The following FGF14 variants were observed in gnomAD, a reference collection of about 807,000 sequenced individuals.
FGF14 encodes the protein fibroblast growth factor homologous factor 4.
Under a neutral mutation model 25.5 loss-of-function variants are expected in FGF14, and 5 were observed. That is an observed-to-expected ratio of 0.20 (90% confidence interval 0.10 to 0.41). The LOEUF is 0.41. Among genes scored for constraint, FGF14 ranks in the 10% least tolerant of loss-of-function variants. The pLI is 1.00. For missense variants in FGF14, 222 were observed against 320.1 expected, an observed-to-expected ratio of 0.69 and a Z score of 2.34; for synonymous variants, 138 against 118.3, an observed-to-expected ratio of 1.17 and a Z score of -1.08.
chr13:102,101,432 G>A (rs542408364), intron 1 of FGF14, among the ~76,000 whole-genome samples: 2 of 152,288 alleles, frequency 1.3e-5, no homozygotes, highest in African/African-American at 4.8e-5. Context: ...AGGTAAAGAT[G>A]AGCAAGCAGA....
intron 3 of FGF14, among the ~76,000 whole-genome samples, chr13:101,769,978 A>G (rs1259387276): frequency 6.6e-6 from 1 of 152,122 alleles, no homozygotes; most frequent in Non-Finnish European, 1.5e-5. Flanking sequence ...ATGATGCATC[A>G]TGTAGGTTCA....
chr13:101,823,875 T>C (rs1304262508), intron 3 of FGF14, among the ~76,000 whole-genome samples: 5 of 149,124 alleles, frequency 3.4e-5, no homozygotes, highest in Admixed American at 6.7e-5. Flanking sequence ...TTCAGAAATA[T>C]ATTAAAAATC....
intron 1 of FGF14, among the ~76,000 whole-genome samples, chr13:101,908,129 T>C (rs2032475939): frequency 6.6e-6 from 1 of 152,106 alleles, no homozygotes; most frequent in Non-Finnish European, 1.5e-5. Flanking sequence ...TCCAGTTAAG[T>C]GAAAATGGAT....
chr13:101,739,945 C>G (rs779876559), intron 3 of FGF14, among the ~76,000 whole-genome samples: 1 of 152,170 alleles, frequency 6.6e-6, no homozygotes, highest in Non-Finnish European at 1.5e-5. Context: ...AGTTAAAAAT[C>G]AACTTAGAAC....
chr13:102,271,922 C>T (rs1045806322), intron 1 of FGF14, among the ~76,000 whole-genome samples: 2 of 152,242 alleles, frequency 1.3e-5, no homozygotes, highest in African/African-American at 4.8e-5. Context: ...TCTTCCTTTG[C>T]CCCAACCCAA....
intron 1 of FGF14, among the ~76,000 whole-genome samples, chr13:102,396,336 A>G (rs902853742): frequency 1.3e-5 from 2 of 152,228 alleles, no homozygotes; most frequent in Non-Finnish European, 2.9e-5. Context: ...AGACTGTTCA[A>G]ACAGCCCAAC....
At chr13:101,854,228 T>C (rs1319996501) in intron 3 of FGF14, among the ~76,000 whole-genome samples, 2 of 152,138 alleles carry the variant, frequency 1.3e-5, no homozygotes, top group Non-Finnish European at 2.9e-5. Flanking sequence ...AGTATGTATA[T>C]GCATTTATGC....
intron 2 of FGF14, among the ~76,000 whole-genome samples, chr13:101,872,763 TG>T (rs553669577): frequency 5.9e-5 from 9 of 152,110 alleles, no homozygotes; most frequent in Non-Finnish European, 1.2e-4. Flanking sequence ...TCTTTGCAAA[TG>T]TTGAAATAGT....
chr13:102,210,434 C>T (rs982222632), intron 1 of FGF14, among the ~76,000 whole-genome samples: 2 of 151,924 alleles, frequency 1.3e-5, no homozygotes, highest in Non-Finnish European at 2.9e-5. Context: ...AAAATGGAAA[C>T]ATTTACATTA....
intron 1 of FGF14, among the ~76,000 whole-genome samples, chr13:101,934,228 G>C (rs1347831884): frequency 6.6e-6 from 1 of 152,190 alleles, no homozygotes; most frequent in Admixed American, 6.5e-5. Context: ...AATGTCATCT[G>C]TAGAATGCAA....
chr13:102,060,733 G>C (rs1024872273), intron 1 of FGF14, among the ~76,000 whole-genome samples: 1 of 152,172 alleles, frequency 6.6e-6, no homozygotes, highest in African/African-American at 2.4e-5. Flanking sequence ...GGGTAGATAA[G>C]GGCAGGGTCC....
chr13:101,740,128 C>T (rs191748583), intron 3 of FGF14, among the ~76,000 whole-genome samples: 15 of 152,312 alleles, frequency 9.8e-5, no homozygotes, highest in East Asian at 5.8e-4. Context: ...AGCCCTTCAA[C>T]GGGACAGAAA....
At chr13:101,913,233 G>A (rs149377529) in intron 1 of FGF14, among the ~76,000 whole-genome samples, 4 of 152,292 alleles carry the variant, frequency 2.6e-5, no homozygotes, top group South Asian at 2.1e-4. Context: ...ACTAATTTGC[G>A]GGGTGTGTGG....
At chr13:102,142,199 C>T (rs1178476177) in intron 1 of FGF14, among the ~76,000 whole-genome samples, 1 of 152,136 alleles carries the variant, frequency 6.6e-6, no homozygotes, top group Non-Finnish European at 1.5e-5. Context: ...GTGATTTTCT[C>T]CTAAATCATC....
At chr13:102,267,313 C>G (rs1828003667) in intron 1 of FGF14, among the ~76,000 whole-genome samples, 1 of 152,120 alleles carries the variant, frequency 6.6e-6, no homozygotes, top group Non-Finnish European at 1.5e-5. Context: ...GAACACTGTG[C>G]TTAGAACAGT....
intron 3 of FGF14, among the ~76,000 whole-genome samples, chr13:101,768,759 C>T (rs375163256): frequency 5.3e-5 from 8 of 152,244 alleles, no homozygotes; most frequent in Admixed American, 2.6e-4. Flanking sequence ...ACAACTGGAA[C>T]GTCCACATGC....
intron 1 of FGF14, among the ~76,000 whole-genome samples, chr13:102,390,086 A>G (rs1166071477): frequency 2.0e-5 from 3 of 152,216 alleles, no homozygotes; most frequent in Non-Finnish European, 4.4e-5. Flanking sequence ...GAAAAAGGCA[A>G]ACTCAAAAGT....
intron 1 of FGF14, among the ~76,000 whole-genome samples, chr13:102,321,773 C>G (rs1220285861): frequency 6.6e-6 from 1 of 152,162 alleles, no homozygotes; most frequent in Non-Finnish European, 1.5e-5. Flanking sequence ...ATGACTCTAT[C>G]AATTCTCAGT....
At chr13:101,876,386 A>G (rs1444257031) in intron 1 of FGF14, among the ~76,000 whole-genome samples, 1 of 152,206 alleles carries the variant, frequency 6.6e-6, no homozygotes, top group African/African-American at 2.4e-5. Context: ...GAGTAATGAA[A>G]CCTAGCACCT....
Sources: gnomAD v4.1 joint callset for allele counts (sites outside exome capture counted in the v4.1 genomes callset) on GRCh38, gnomAD v4.1.1 for gene constraint, MANE v1.5 for transcripts, NCBI Gene and HGNC (gene_info 2026-07-23, HGNC 2026-07-21) for gene names.